The following KIF26A variants were observed in gnomAD, a reference collection of about 807,000 sequenced individuals.
KIF26A encodes kinesin family member 26A.
A neutral mutation model predicts 126.0 loss-of-function variants in KIF26A; 74 were observed. The observed-to-expected ratio is 0.59, with a 90% confidence interval of 0.49 to 0.71. The LOEUF is 0.71. KIF26A is among the 30% of genes least tolerant of loss of function. The pLI is 0.00. For missense variants in KIF26A, 2,984 were observed against 2,763.3 expected (o/e 1.08, Z -1.79); for synonymous variants, 1,445 against 1,232.7 (o/e 1.17, Z -3.61).
At chr14:104,178,377 G>A (rs1416733042) in intron 12 of KIF26A, among the ~76,000 whole-genome samples, 173 bp from the exon 13 acceptor site, 1 of 152,094 alleles carries the variant, frequency 6.6e-6, no homozygotes, top group African/African-American at 2.4e-5. Flanking sequence ...TGTGGGCCTG[G>A]CTTGGGGTCG....
At chr14:104,174,649 T>G (rs2037996665) in intron 11 of KIF26A, among the ~76,000 whole-genome samples, 1 of 152,088 alleles carries the variant, frequency 6.6e-6, no homozygotes, top group Admixed American at 6.5e-5. Context: ...TCTCTGGGGC[T>G]GGAGGGTGGA....
At position 104,152,950 on chromosome 14, in the gene KIF26A, G is replaced by C. The variant is rs978830616; in HGVS notation, c.735+489G>C. Among the ~76,000 whole-genome samples the C allele has an allele frequency of 6.6e-6, 1 of 152,158 alleles. No homozygotes were observed. Among genetic ancestry groups the C allele is most frequent in the Non-Finnish European group, 1.5e-5 (1 of 68,006 alleles). Reference sequence around the variant, plus strand: ...GCCCCTGTGGCACCCTGGGGGCAGAGGGACATGTGGGTGGCTGTGAAGAGC... The same window carrying C: ...GCCCCTGTGGCACCCTGGGGGCAGACGGACATGTGGGTGGCTGTGAAGAGC... On this transcript the variant is annotated intron_variant, in intron 3 of 14. Transcript: ENST00000423312. This position sits in a 1 kb window ranked among gnomAD's most constrained non-coding sequence, Gnocchi z 5.9.
Position 104,179,929 on chromosome 14 carries a change from G to A in KIF26A, c.*139G>A, listed in dbSNP as rs1040543170. ...AGGACGGGAGTCTCAGAGAGGAGACGGAGTGTGGGGGAGGGAGGGCCGGCC... is the reference window on the plus strand; with the variant it reads ...AGGACGGGAGTCTCAGAGAGGAGACAGAGTGTGGGGGAGGGAGGGCCGGCC... On this transcript the variant is annotated 3_prime_UTR_variant, in exon 15 of 15. Transcript: ENST00000423312. 266 of 932,144 alleles carry A rather than the reference G, an allele frequency of 2.9e-4. No individual in the cohort carries two copies. Among genetic ancestry groups the A allele is most frequent in the Non-Finnish European group, 2.7e-4 (177 of 651,058 alleles). The allele number at this position is 932,144 out of a possible 1,614,324, so 57.7% of individuals were successfully genotyped here.
intron 4 of KIF26A, among the ~76,000 whole-genome samples, chr14:104,164,253 G>C (rs2037859599): frequency 6.6e-6 from 1 of 152,106 alleles, no homozygotes; most frequent in South Asian, 2.1e-4. Context: ...GAGGGCTGTG[G>C]GGGGGGCGTG....
In KIF26A at chr14:104,177,414, C is replaced by T; in HGVS notation, c.4626C>T (p.Pro1542=). ...AGPRAAPRAG[P]SVGAKAGRGT... is the part of the protein sequence containing the mutation. ...CCAGAGCAGCCCCACGGGCCGGGCC[C>T]AGTGTCGGGGCGAAGGCTGGCCGGG... is the stretch of plus-strand genomic sequence containing the variant. Residue 1542 remains proline, a synonymous_variant, in exon 12 of 15, where the codon CCC becomes CCT. Transcript: ENST00000423312. 1 of 1,505,828 alleles carries T rather than the reference C, an allele frequency of 6.6e-7. No homozygotes were observed. The highest frequency in any genetic ancestry group is 8.8e-7 in the Non-Finnish European group (1 of 1,131,194). 93.3% of individuals were successfully genotyped at this position (1,505,828 alleles called of 1,614,324 possible).
At chr14:104,158,688 C>T (rs576209574) in intron 4 of KIF26A, among the ~76,000 whole-genome samples, 6 of 152,282 alleles carry the variant, frequency 3.9e-5, no homozygotes, top group South Asian at 4.1e-4. Context: ...AGGTCCTTGC[C>T]GACTGGTGGT....
At chr14:104,179,479 C>T (rs865866923) in intron 14 of KIF26A, 93 bp downstream of exon 14, 19 of 1,426,214 alleles carry the variant, frequency 1.3e-5, no homozygotes, top group South Asian at 4.4e-5. Context: ...TCCTGTACCT[C>T]GTGGTGGGAA....
At position 104,152,790 on chromosome 14, in the gene KIF26A, C is replaced by T. The variant is rs559996053; in HGVS notation, c.735+329C>T. On this transcript the variant is annotated intron_variant, in intron 3 of 14. Transcript: ENST00000423312. The surrounding 1 kb of genome is among the most constrained non-coding windows in gnomAD (Gnocchi z 5.9). ...GATGCACAGGGCACCGTGTGTAGATCGGGGCTCACGAGGCAGATGGAGTAG... is the reference window on the plus strand; with the variant it reads ...GATGCACAGGGCACCGTGTGTAGATTGGGGCTCACGAGGCAGATGGAGTAG... 2.0e-4 allele frequency among the ~76,000 whole-genome samples: 30 copies of T among 152,202 alleles called. No homozygotes were observed. Among genetic ancestry groups the T allele is most frequent in the African/African-American group, 5.8e-4 (24 of 41,528 alleles).
intron 5 of KIF26A, among the ~76,000 whole-genome samples, chr14:104,170,166 G>A (rs2037943526): frequency 6.6e-6 from 1 of 152,226 alleles, no homozygotes; most frequent in South Asian, 2.1e-4. Context: ...CAAATCTGCA[G>A]AGCCCATTTG....
chr14:104,174,586 C>T (rs889679093), intron 11 of KIF26A, among the ~76,000 whole-genome samples: 1 of 151,904 alleles, frequency 6.6e-6, no homozygotes, highest in Non-Finnish European at 1.5e-5. Context: ...CGCACAGGCC[C>T]TGGGGTGCTC....
intron 2 of KIF26A, among the ~76,000 whole-genome samples, chr14:104,139,835 T>C (rs2037620632): frequency 6.6e-6 from 1 of 152,214 alleles, no homozygotes; most frequent in South Asian, 2.1e-4. Flanking sequence ...TGGGATAGAC[T>C]GAGGCAGTGG....
chr14:104,178,131 C>T (rs2038056587), intron 12 of KIF26A, among the ~76,000 whole-genome samples: 1 of 152,270 alleles, frequency 6.6e-6, no homozygotes, highest in South Asian at 2.1e-4. Context: ...TCTCTGGCCC[C>T]ACCCTGCCCT....
At position 104,173,449 on chromosome 14, in the gene KIF26A, C is replaced by T. The variant is rs780869085; in HGVS notation, c.1803C>T (p.Ser601=). ...RAGCGEDARR[S]SHMLFTLHVY... Reference sequence around the variant, plus strand: ...GCTGTGGCGAGGACGCCCGACGCAGCTCCCACATGTTGTTCACGCTGCACG... The same window carrying T: ...GCTGTGGCGAGGACGCCCGACGCAGTTCCCACATGTTGTTCACGCTGCACG... The change falls in exon 9 of 15, where the codon AGC becomes AGT. Residue 601 remains serine, a synonymous_variant. Coordinates refer to ENST00000423312, the MANE Select transcript of KIF26A (RefSeq NM_015656.2). 6.3e-7 allele frequency: 1 copy of T among 1,589,994 alleles called. No homozygotes were observed. The highest frequency in any genetic ancestry group is 8.6e-7 in the Non-Finnish European group (1 of 1,168,058).
chr14:104,177,408 C>T lies in KIF26A; in HGVS notation c.4620C>T (p.Ala1540=), dbSNP rs148588580. The change falls in exon 12 of 15, where the codon GCC becomes GCT. Residue 1540 remains alanine (A), a synonymous_variant. Transcript: ENST00000423312. The stretch of plus-strand genomic sequence containing the variant: ...CCGGTCCCAGAGCAGCCCCACGGGC[C>T]GGGCCCAGTGTCGGGGCGAAGGCTG... ...PVAGPRAAPR[A]GPSVGAKAGR... 6.8e-3 allele frequency: 10,171 copies of T among 1,500,086 alleles called. 47 individuals carry two copies. The highest frequency in any genetic ancestry group is 7.8e-3 in the Non-Finnish European group (8,849 of 1,128,630). The allele number at this position is 1,500,086 out of a possible 1,614,324, so 92.9% of individuals were successfully genotyped here.
At chr14:104,164,301 G>A (rs2037860213) in intron 4 of KIF26A, among the ~76,000 whole-genome samples, 1 of 152,108 alleles carries the variant, frequency 6.6e-6, no homozygotes, top group Non-Finnish European at 1.5e-5. Context: ...GGGTGGGTCG[G>A]GGGAGCGCCG....
In KIF26A at chr14:104,173,075, A is replaced by G. The variant is rs1378030271; in HGVS notation, c.1519A>G (p.Arg507Gly). Residue 507 changes from arginine to glycine, a missense_variant, in exon 8 of 15, where the codon AGG becomes GGG. Physicochemically the swap from Arg to Gly is moderately radical, Grantham distance 125. Coordinates refer to ENST00000423312, the MANE Select transcript of KIF26A (RefSeq NM_015656.2). Reference sequence around the variant, plus strand: ...GCTCTTCAGGCTCATCGAGGAGCGCAGGGAGAGGACGGGCACCCGCTTCTC... The same window carrying G: ...GCTCTTCAGGCTCATCGAGGAGCGCGGGGAGAGGACGGGCACCCGCTTCTC... The part of the protein sequence containing the change: ...SWLFRLIEER[R>G]ERTGTRFSVR... The G allele has an allele frequency of 6.2e-7, 1 of 1,605,498 alleles. No individual in the cohort carries two copies. The highest frequency in any genetic ancestry group is 2.2e-5 in the East Asian group (1 of 44,508).
chr14:104,179,643 C>G lies in KIF26A; in HGVS notation c.5502C>G (p.Ala1834=), dbSNP rs779293341. Residue 1834 remains alanine (A), a synonymous_variant, in exon 15 of 15, where the codon GCC becomes GCG. Transcript: ENST00000423312. ...ACCCGGAGCTGGAGCCCGAGTCGGC[C>G]GAGTACCTGGCGGCCCTGGAGCGAG... ...EVDPELEPES[A]EYLAALERAT... is the part of the protein sequence containing the mutation. 9.7e-6 allele frequency: 15 copies of G among 1,543,998 alleles called. No individual in the cohort carries two copies. Among genetic ancestry groups the G allele is most frequent in the African/African-American group, 6.9e-5 (5 of 72,790 alleles).
At position 104,152,564 on chromosome 14, in the gene KIF26A, C is replaced by G. The variant is rs2037740570; in HGVS notation, c.735+103C>G. On this transcript the variant is annotated intron_variant, in intron 3 of 14. Coordinates refer to ENST00000423312, the MANE Select transcript of KIF26A (RefSeq NM_015656.2). This position sits in a 1 kb window ranked among gnomAD's most constrained non-coding sequence, Gnocchi z 5.9. ...GTTGAGTGCCCTGCAGTAAGGCTTC[C>G]CTGAAGGGAGGGGACGGCGGGCATG... The G allele has an allele frequency of 8.5e-7, 1 of 1,182,076 alleles. No individual in the cohort carries two copies. Among genetic ancestry groups the G allele is most frequent in the African/African-American group, 1.5e-5 (1 of 64,834 alleles). 73.2% of individuals were successfully genotyped at this position (1,182,076 alleles called of 1,614,324 possible). A position where few individuals can be genotyped will look rare whatever the true frequency, so the allele number is the denominator to read the frequency against.
At chr14:104,160,981 C>T (rs963836313) in intron 4 of KIF26A, among the ~76,000 whole-genome samples, 3 of 152,346 alleles carry the variant, frequency 2.0e-5, no homozygotes, top group East Asian at 1.9e-4. Context: ...GGCCCATGGA[C>T]GGTCAGGCTG....
Sources: gnomAD v4.1 joint callset for allele counts (sites outside exome capture counted in the v4.1 genomes callset) on GRCh38, gnomAD v4.1.1 for gene constraint, Gnocchi (gnomAD v3.1) non-coding constraint, MANE v1.5 for transcripts, NCBI Gene and HGNC (gene_info 2026-07-23, HGNC 2026-07-21) for gene names.